PCDH15: variants seen among roughly 807,000 people sequenced by gnomAD.
PCDH15 encodes protocadherin-15.
A neutral mutation model predicts 178.5 loss-of-function variants in PCDH15; 129 were observed. That is an observed-to-expected ratio of 0.72 (90% CI 0.63 to 0.84). The LOEUF (loss-of-function observed/expected upper bound fraction) is 0.84, where lower values mean the gene tolerates loss of function less well. Ranked by LOEUF, PCDH15 falls within the 40% of genes least tolerant of loss-of-function variation. The pLI is 0.00. For synonymous variants in PCDH15, 800 were observed against 732.0 expected, an observed-to-expected ratio of 1.09 and a Z score of -1.50; for missense variants, 2,230 against 2,099.9, an observed-to-expected ratio of 1.06 and a Z score of -1.21.
chr10:55,399,436 A>T (rs1364917578), intron 2 of PCDH15, among the ~76,000 whole-genome samples: 1 of 152,200 alleles, frequency 6.6e-6, no homozygotes, highest in Non-Finnish European at 1.5e-5. Flanking sequence ...TCCATCCAGC[A>T]AATTGAAACA....
intron 1 of PCDH15, among the ~76,000 whole-genome samples, chr10:54,681,242 T>C (rs1247780144): frequency 6.6e-6 from 1 of 152,122 alleles, no homozygotes; most frequent in Non-Finnish European, 1.5e-5. Context: ...ATTGCTCAAA[T>C]AAAGTTTGAA....
chr10:55,325,908 C>G (rs983969028), intron 2 of PCDH15, among the ~76,000 whole-genome samples: 3 of 151,798 alleles, frequency 2.0e-5, no homozygotes, highest in African/African-American at 7.3e-5. Context: ...AGAAACAACC[C>G]CATTAAAAAG....
chr10:53,959,312 GTACACACA>G lies in PCDH15; in HGVS notation c.3122+412_3122+419del, dbSNP rs955384674. ...GCACTACATATTTACACACACAAACGTACACACATACACACATACACACTGATTAGATG... is the reference window on the plus strand; with the variant it reads ...GCACTACATATTTACACACACAAACGTACACACATACACACTGATTAGATG... On this transcript the variant is annotated intron_variant, in intron 23 of 37. Transcript: ENST00000644397. Among the ~76,000 whole-genome samples, 973 of 149,252 alleles carry G rather than the reference GTACACACA, an allele frequency of 6.5e-3. 12 individuals carry two copies. The highest frequency in any genetic ancestry group is 0.023 in the African/African-American group (919 of 40,656).
chr10:55,615,423 C>G (rs1008321862), intron 2 of PCDH15, among the ~76,000 whole-genome samples: 13 of 152,158 alleles, frequency 8.5e-5, no homozygotes, highest in Non-Finnish European at 1.8e-4. Flanking sequence ...TTAACTCAGT[C>G]TCACCTCACC....
chr10:53,915,858 G>A (rs997393924), intron 25 of PCDH15, among the ~76,000 whole-genome samples: 2 of 152,006 alleles, frequency 1.3e-5, no homozygotes, highest in African/African-American at 2.4e-5. Flanking sequence ...TGCCCGGCCC[G>A]TATTTGTATA....
intron 37 of PCDH15, chr10:53,809,153 C>G (rs1432854165): frequency 6.2e-7 from 1 of 1,613,964 alleles, no homozygotes; most frequent in Non-Finnish European, 8.5e-7. Context: ...TCCTCCTCCT[C>G]AGAGGGTGTC....
intron 2 of PCDH15, among the ~76,000 whole-genome samples, chr10:55,043,723 TAAA>T (rs2131979907): frequency 1.4e-5 from 2 of 146,198 alleles, no homozygotes; most frequent in African/African-American, 5.0e-5. Context: ...AGAAAATAAA[TAAA>T]TAAATAAATA....
chr10:54,644,791 G>A lies in PCDH15; in HGVS notation c.91+19381C>T, dbSNP rs77005875. 3.4e-3 allele frequency among the ~76,000 whole-genome samples: 516 copies of A among 152,244 alleles called. 2 individuals carry two copies. The highest frequency in any genetic ancestry group is 0.012 in the African/African-American group (499 of 41,544). On this transcript the variant is annotated intron_variant, in intron 2 of 37. Coordinates refer to ENST00000644397, the MANE Select transcript of PCDH15 (RefSeq NM_001384140.1). Reference sequence around the variant, plus strand: ...AAACATCAATGCAACAACATTAAGAGGTTGGGCCCTTAGGAGGTGATTATG... The same window carrying A: ...AAACATCAATGCAACAACATTAAGAAGTTGGGCCCTTAGGAGGTGATTATG...
intron 2 of PCDH15, among the ~76,000 whole-genome samples, chr10:55,094,252 G>A (rs1842391407): frequency 6.6e-6 from 1 of 152,070 alleles, no homozygotes; most frequent in Admixed American, 6.6e-5. Flanking sequence ...GGACATGGAT[G>A]AAGCTGGAAA....
chr10:55,062,277 G>C (rs755636186), intron 2 of PCDH15, among the ~76,000 whole-genome samples: 4 of 152,116 alleles, frequency 2.6e-5, no homozygotes, highest in Non-Finnish European at 5.9e-5. Flanking sequence ...CAATGAGAAA[G>C]TACTCTCTAT....
intron 2 of PCDH15, among the ~76,000 whole-genome samples, chr10:55,004,160 G>A (rs1000568074): frequency 6.6e-6 from 1 of 152,200 alleles, no homozygotes; most frequent in South Asian, 2.1e-4. Context: ...GGAATGGAGA[G>A]AGAAAAATTA....
intron 2 of PCDH15, among the ~76,000 whole-genome samples, chr10:54,943,456 C>A (rs770900679): frequency 2.6e-5 from 4 of 151,872 alleles, no homozygotes; most frequent in Non-Finnish European, 5.9e-5. Context: ...TAACTCATGG[C>A]AAAATTGTGG....
intron 1 of PCDH15, among the ~76,000 whole-genome samples, chr10:54,676,237 C>A (rs934540151): frequency 1.3e-5 from 2 of 151,704 alleles, no homozygotes; most frequent in African/African-American, 4.8e-5. Flanking sequence ...AAATAAGAAC[C>A]AAATCTCAGC....
chr10:54,408,686 G>T (rs374488421), intron 3 of PCDH15, among the ~76,000 whole-genome samples: 1 of 152,270 alleles, frequency 6.6e-6, no homozygotes. Flanking sequence ...TTGCAGCTAT[G>T]ATTCTATGTA....
At position 55,052,664 on chromosome 10, in the gene PCDH15, C is replaced by T. The variant is rs193077275; in HGVS notation, c.-80+113912G>A. Among the ~76,000 whole-genome samples the T allele has an allele frequency of 2.1e-4, 32 of 151,146 alleles. No homozygotes were observed. In the East Asian group the frequency reaches 4.9e-3, roughly 23 times the overall value. On this transcript the variant is annotated intron_variant, in intron 2 of 5. Transcript: ENST00000458638. ...CCGGGAGGCGGAGGTTGTGGTGAGC[C>T]GAGATCGTGCCACTGCACTTCAGCC... is the stretch of plus-strand genomic sequence containing the variant.
chr10:54,000,748 A>G (rs916871526), intron 20 of PCDH15, among the ~76,000 whole-genome samples: 22 of 152,248 alleles, frequency 1.4e-4, no homozygotes, highest in African/African-American at 5.1e-4. Context: ...GGAGACAGAC[A>G]AAGAGATAAG....
intron 1 of PCDH15, among the ~76,000 whole-genome samples, chr10:55,269,923 A>G (rs1196653452): frequency 2.0e-5 from 3 of 152,156 alleles, no homozygotes; most frequent in African/African-American, 4.8e-5. Flanking sequence ...ATACTGGTAT[A>G]AAAATAAGAC....
At chr10:54,967,284 T>G (rs924457751) in intron 2 of PCDH15, among the ~76,000 whole-genome samples, 4 of 152,132 alleles carry the variant, frequency 2.6e-5, no homozygotes, top group African/African-American at 9.7e-5. Context: ...AACTGTGTAT[T>G]AAATTGCACA....
At chr10:55,586,930 G>A (rs1842737074) in intron 2 of PCDH15, among the ~76,000 whole-genome samples, 1 of 151,908 alleles carries the variant, frequency 6.6e-6, no homozygotes, top group Non-Finnish European at 1.5e-5. Flanking sequence ...ACTTGCATTG[G>A]GTACATAGGC....
Sources: gnomAD v4.1 joint callset for allele counts (sites outside exome capture counted in the v4.1 genomes callset) on GRCh38, gnomAD v4.1.1 for gene constraint, MANE v1.5 for transcripts, NCBI Gene and HGNC (gene_info 2026-07-23, HGNC 2026-07-21) for gene names.